PCDHGB3: variants seen among roughly 807,000 people sequenced by gnomAD.
PCDHGB3 encodes the protein protocadherin gamma subfamily B, 3.
A neutral mutation model predicts 59.2 loss-of-function variants in PCDHGB3; 40 were observed. That is an observed-to-expected ratio of 0.68 (90% CI 0.52 to 0.88). The LOEUF (loss-of-function observed/expected upper bound fraction) is 0.88, where lower values mean the gene tolerates loss of function less well. Ranked by LOEUF, PCDHGB3 falls within the 40% of genes least tolerant of loss-of-function variation. The pLI, the probability that PCDHGB3 is intolerant of heterozygous loss-of-function variation, is 0.00. For missense variants in PCDHGB3, 1,309 were observed against 1,187.9 expected, an observed-to-expected ratio of 1.10 and a Z score of -1.50; for synonymous variants, 581 against 503.6, an observed-to-expected ratio of 1.15 and a Z score of -2.06.
chr5:141,505,259 C>A, intron 2 of PCDHGB3, 134 bp from the exon 3 acceptor site: 1 of 1,500,262 alleles, frequency 6.7e-7, no homozygotes, highest in Non-Finnish European at 8.9e-7. Context: ...GTGCCTCCTA[C>A]CTTGCTGAGA....
intron 1 of PCDHGB3, among the ~76,000 whole-genome samples, chr5:141,465,907 G>C (rs1367648934): frequency 6.6e-6 from 1 of 152,056 alleles, no homozygotes; most frequent in East Asian, 1.9e-4. Flanking sequence ...CAAATCACGA[G>C]GTCAGGATTT....
rs758515649 is a variant in PCDHGB3 at position 141,432,368 on chromosome 5, A to G, written c.2415+59559A>G. On this transcript the variant is annotated intron_variant, in intron 1 of 3. Coordinates refer to ENST00000576222, the MANE Select transcript of PCDHGB3 (RefSeq NM_018924.5). This position sits in a 1 kb window ranked among gnomAD's most constrained non-coding sequence, Gnocchi z 6.0. ...GCAAGTGAAAGTGATGGCGCGGGAC[A>G]ACGGGCACCCGCCCCTCAGCAGCAA... 1.2e-6 allele frequency: 2 copies of G among 1,614,110 alleles called. No homozygotes were observed. Among genetic ancestry groups the G allele is most frequent in the Non-Finnish European group, 1.7e-6 (2 of 1,180,054 alleles).
intron 1 of PCDHGB3, chr5:141,418,005 A>G: frequency 6.2e-7 from 1 of 1,613,764 alleles, no homozygotes. Flanking sequence ...GTGGTGGGGA[A>G]CCTCGCTAAG....
intron 3 of PCDHGB3, 110 bp from the exon 4 acceptor site, chr5:141,510,837 G>A (rs969654751): frequency 1.3e-6 from 2 of 1,586,392 alleles, no homozygotes; most frequent in Non-Finnish European, 8.6e-7. Context: ...GCTCAGCGTG[G>A]TCAAGGCCCA....
chr5:141,381,354 G>A (rs1163041754), intron 1 of PCDHGB3, among the ~76,000 whole-genome samples: 1 of 152,202 alleles, frequency 6.6e-6, no homozygotes, highest in Non-Finnish European at 1.5e-5. Context: ...CTTTCTGCTA[G>A]CAGAGGGTAG....
intron 1 of PCDHGB3, chr5:141,427,807 A>C (rs1443881781): frequency 6.6e-7 from 1 of 1,522,050 alleles, no homozygotes; most frequent in South Asian, 1.1e-5. Flanking sequence ...GTGAGCGCAC[A>C]GAGCGGGGTG....
chr5:141,376,859 T>C, intron 1 of PCDHGB3: 1 of 231,414 alleles, frequency 4.3e-6, no homozygotes, highest in South Asian at 6.4e-5. Context: ...GCTAATTTTT[T>C]TGTATTTTTA....
chr5:141,491,908 G>A lies in PCDHGB3; in HGVS notation c.2416-2899G>A. ...GGGGCTCCGAGCACCGGGGGTGGTG[G>A]CGACTGTGGGCGAGGGGAGGTGGGA... On this transcript the variant is annotated intron_variant, in intron 1 of 3. Transcript: ENST00000576222. The surrounding 1 kb of genome is among the most constrained non-coding windows in gnomAD (Gnocchi z 6.9). The A allele has an allele frequency of 7.1e-7, 1 of 1,408,288 alleles. No individual in the cohort carries two copies. Among genetic ancestry groups the A allele is most frequent in the East Asian group, 2.5e-5 (1 of 39,276 alleles). The allele number at this position is 1,408,288 out of a possible 1,614,324, so 87.2% of individuals were successfully genotyped here. A position where few individuals can be genotyped will look rare whatever the true frequency, so the allele number is the denominator to read the frequency against.
At chr5:141,507,120 T>TA (rs1256499995) in intron 3 of PCDHGB3, 2 of 152,206 alleles carry the variant, frequency 1.3e-5, no homozygotes, top group African/African-American at 4.8e-5. Context: ...TGGCTGCCTT[T>TA]GGATCCAGCC....
chr5:141,462,240 A>G (rs375419703), intron 1 of PCDHGB3, among the ~76,000 whole-genome samples: 2 of 152,216 alleles, frequency 1.3e-5, no homozygotes, highest in South Asian at 4.1e-4. Context: ...GATTACAGGT[A>G]TGAGCCACCA....
intron 1 of PCDHGB3, chr5:141,404,904 AG>A: frequency 3.1e-6 from 5 of 1,613,864 alleles, no homozygotes; most frequent in Non-Finnish European, 4.2e-6. Flanking sequence ...GACCATGGCC[AG>A]CCCCCTCTCT....
At chr5:141,389,445 G>C in intron 1 of PCDHGB3, 3 of 1,610,528 alleles carry the variant, frequency 1.9e-6, no homozygotes, top group Non-Finnish European at 2.5e-6. Flanking sequence ...CTTCGACCAC[G>C]AGCAGCTGCG....
chr5:141,451,789 G>A (rs2098724524), intron 1 of PCDHGB3, among the ~76,000 whole-genome samples: 1 of 152,074 alleles, frequency 6.6e-6, no homozygotes, highest in South Asian at 2.1e-4. Flanking sequence ...GCTGAGGCCA[G>A]AGAATTGCTT....
At chr5:141,445,781 G>A (rs1424622281) in intron 1 of PCDHGB3, among the ~76,000 whole-genome samples, 25 of 152,112 alleles carry the variant, frequency 1.6e-4, no homozygotes, top group Admixed American at 1.6e-3. Flanking sequence ...AAAGGGCTAG[G>A]GAGGCTAGAA....
Position 141,491,713 on chromosome 5 carries a change from G to T in PCDHGB3, c.2416-3094G>T. The T allele has an allele frequency of 6.2e-7, 1 of 1,609,174 alleles. No individual in the cohort carries two copies. The highest frequency in any genetic ancestry group is 8.5e-7 in the Non-Finnish European group (1 of 1,178,054). On this transcript the variant is annotated intron_variant, in intron 1 of 3. Transcript: ENST00000576222. The surrounding 1 kb of genome is among the most constrained non-coding windows in gnomAD (Gnocchi z 6.9). ...GGAGCGGAGCCAGGTGAGGGGCTCG[G>T]CGCCGCCCCGGGCGACCCCTGGGGG...
intron 3 of PCDHGB3, 154 bp from the exon 4 acceptor site, chr5:141,510,793 G>A: frequency 1.1e-6 from 1 of 935,078 alleles, no homozygotes; most frequent in Non-Finnish European, 1.3e-6. Context: ...CTCTTGTGAA[G>A]AGAGACTACC....
Position 141,489,458 on chromosome 5 carries a change from G to T in PCDHGB3, c.2416-5349G>T, listed in dbSNP as rs143138320. 1 of 1,613,924 alleles carries T rather than the reference G, an allele frequency of 6.2e-7. No homozygotes were observed. Among genetic ancestry groups the T allele is most frequent in the Non-Finnish European group, 8.5e-7 (1 of 1,180,000 alleles). On this transcript the variant is annotated intron_variant, in intron 1 of 3. Coordinates refer to ENST00000576222, the MANE Select transcript of PCDHGB3 (RefSeq NM_018924.5). The surrounding 1 kb of genome is among the most constrained non-coding windows in gnomAD (Gnocchi z 4.5). ...CAATTGGGCTCTGAGGAGAATGGGC[G>T]CTATTTTTCCCTGAGCTTGATGAGT...
In PCDHGB3 at chr5:141,491,359, G is replaced by C. The variant is rs764159829; in HGVS notation, c.2416-3448G>C. 3 of 1,614,154 alleles carry C rather than the reference G, an allele frequency of 1.9e-6. No homozygotes were observed. In the East Asian group the frequency reaches 6.7e-5, roughly 36 times the overall value. On this transcript the variant is annotated intron_variant, in intron 1 of 3. Coordinates refer to ENST00000576222, the MANE Select transcript of PCDHGB3 (RefSeq NM_018924.5). This position sits in a 1 kb window ranked among gnomAD's most constrained non-coding sequence, Gnocchi z 6.9. ...AGCGACCGTCAGTCTCTTATCCCTA[G>C]TCACCTTCACCTTTCTGTCAGCGAA...
intron 1 of PCDHGB3, among the ~76,000 whole-genome samples, chr5:141,382,132 C>T (rs893026262): frequency 6.6e-6 from 1 of 152,070 alleles, no homozygotes; most frequent in Non-Finnish European, 1.5e-5. Flanking sequence ...CTGGCCCCCC[C>T]TCTCATTTTT....
Sources: gnomAD v4.1 joint callset for allele counts (sites outside exome capture counted in the v4.1 genomes callset) on GRCh38, gnomAD v4.1.1 for gene constraint, Gnocchi (gnomAD v3.1) non-coding constraint, MANE v1.5 for transcripts, NCBI Gene and HGNC (gene_info 2026-07-23, HGNC 2026-07-21) for gene names.